Variants in RAB3IP observed in about 807,000 individuals in gnomAD.
The protein encoded by RAB3IP is rab-3A-interacting protein.
RAB3IP carries 36 observed loss-of-function variants against 59.1 expected under a neutral mutation model. The observed-to-expected ratio is 0.61, with a 90% confidence interval of 0.47 to 0.80. The LOEUF is 0.80. Among genes scored for constraint, RAB3IP ranks in the 30% least tolerant of loss-of-function variants. The pLI is 0.00. For missense variants in RAB3IP, 511 were observed against 536.0 expected (o/e 0.95, Z 0.46); for synonymous variants, 207 against 191.2 (o/e 1.08, Z -0.68).
chr12:69,745,207 T>A (rs528028263), intron 1 of RAB3IP, among the ~76,000 whole-genome samples: 1 of 152,338 alleles, frequency 6.6e-6, no homozygotes, highest in Admixed American at 6.5e-5. Flanking sequence ...TGTAGGTATT[T>A]CAGTATTTCC....
rs750211581 is a variant in RAB3IP at position 69,755,485 on chromosome 12, A to G, written c.77A>G (p.Tyr26Cys). 6.2e-6 allele frequency: 10 copies of G among 1,613,964 alleles called. No individual in the cohort carries two copies. Among genetic ancestry groups the G allele is most frequent in the Non-Finnish European group, 8.5e-6 (10 of 1,180,026 alleles). ...SPTSPDLLGV[Y>C]ESGTQEQTTS... is the part of the protein sequence containing the mutation. ...ACTTCTCCGGACCTTCTTGGTGTGTATGAATCAGGAACTCAAGAGCAGACT... is the reference window on the plus strand; with the variant it reads ...ACTTCTCCGGACCTTCTTGGTGTGTGTGAATCAGGAACTCAAGAGCAGACT... The change falls in exon 2 of 11, where the codon TAT (tyrosine) becomes TGT (cysteine). Residue 26 changes from tyrosine (Y) to cysteine (C), a missense_variant. Coordinates refer to ENST00000247833, the MANE Select transcript of RAB3IP (RefSeq NM_022456.5).
chr12:69,741,126 C>G (rs935783601), intron 1 of RAB3IP, among the ~76,000 whole-genome samples: 9 of 152,196 alleles, frequency 5.9e-5, no homozygotes, highest in Non-Finnish European at 1.5e-5. Flanking sequence ...ATAACATACT[C>G]CATTAGAGAT....
intron 3 of RAB3IP, among the ~76,000 whole-genome samples, chr12:69,762,976 T>A (rs1480591970): frequency 6.6e-6 from 1 of 152,118 alleles, no homozygotes; most frequent in Admixed American, 6.5e-5. Flanking sequence ...ACTATAAATT[T>A]TATTTTGCTT....
intron 3 of RAB3IP, among the ~76,000 whole-genome samples, chr12:69,779,950 T>A (rs1271325029): frequency 6.6e-6 from 1 of 152,216 alleles, no homozygotes; most frequent in African/African-American, 2.4e-5. Flanking sequence ...TTTATTCAAG[T>A]CTTTGCAGTG....
At position 69,805,292 on chromosome 12, in the gene RAB3IP, CTGTT is replaced by C. The variant is rs1247217105; in HGVS notation, c.1130+3575_1130+3578del. 3.2e-3 allele frequency among the ~76,000 whole-genome samples: 491 copies of C among 152,102 alleles called. 5 individuals carry two copies. Among genetic ancestry groups the C allele is most frequent in the African/African-American group, 0.011 (438 of 41,494 alleles). ...GGGAGTTCACTCATGATTTGGCTCTCTGTTTGTCTGTTATTGGTGTATAAGAATG... is the reference window on the plus strand; with the variant it reads ...GGGAGTTCACTCATGATTTGGCTCTCTGTCTGTTATTGGTGTATAAGAATG... On this transcript the variant is annotated intron_variant, in intron 8 of 10. Coordinates refer to ENST00000247833, the MANE Select transcript of RAB3IP (RefSeq NM_022456.5).
intron 3 of RAB3IP, among the ~76,000 whole-genome samples, chr12:69,765,154 T>G (rs1268680654): frequency 6.6e-6 from 1 of 152,344 alleles, no homozygotes; most frequent in East Asian, 1.9e-4. Flanking sequence ...TGGATTCCTC[T>G]GGCTAACACT....
At chr12:69,780,612 C>A (rs533551003) in intron 3 of RAB3IP, among the ~76,000 whole-genome samples, 47 of 152,334 alleles carry the variant, frequency 3.1e-4, no homozygotes, top group African/African-American at 8.9e-4. Context: ...ACAGACAAAT[C>A]ATTCCTGGGT....
chr12:69,786,307 G>T (rs571985298), intron 4 of RAB3IP, among the ~76,000 whole-genome samples: 1 of 152,298 alleles, frequency 6.6e-6, no homozygotes, highest in South Asian at 2.1e-4. Context: ...CTTTAGACAT[G>T]TAGGGCTTTC....
chr12:69,809,734 A>T (rs11177873), intron 8 of RAB3IP, among the ~76,000 whole-genome samples: 1 of 152,060 alleles, frequency 6.6e-6, no homozygotes, highest in African/African-American at 2.4e-5. Flanking sequence ...TTCTCATGCC[A>T]TGGTTTTCAG....
intron 1 of RAB3IP, among the ~76,000 whole-genome samples, chr12:69,751,531 C>T (rs1869291771): frequency 6.6e-6 from 1 of 152,000 alleles, no homozygotes; most frequent in Admixed American, 6.6e-5. Context: ...ATTTAGGCCT[C>T]TAGGATTTAA....
intron 8 of RAB3IP, 26 bp downstream of exon 8, chr12:69,801,747 GA>G (rs773139981): frequency 7.3e-7 from 1 of 1,369,654 alleles, no homozygotes; most frequent in South Asian, 1.2e-5. Context: ...CATGAACTGT[GA>G]AAGTGACTGA....
At chr12:69,803,668 C>A (rs970678884) in intron 8 of RAB3IP, among the ~76,000 whole-genome samples, 1 of 151,962 alleles carries the variant, frequency 6.6e-6, no homozygotes, top group African/African-American at 2.4e-5. Flanking sequence ...CCACAACAGT[C>A]CCCGGTGTGT....
At chr12:69,801,553 C>T (rs1003402740) in intron 7 of RAB3IP, 56 bp from the exon 8 acceptor site, 28 of 1,085,330 alleles carry the variant, frequency 2.6e-5, no homozygotes, top group Middle Eastern at 2.1e-4. Flanking sequence ...CTGTAGAATA[C>T]AATTTTGATA....
chr12:69,739,944 G>A, intron 1 of RAB3IP: 1 of 1,477,908 alleles, frequency 6.8e-7, no homozygotes, highest in Non-Finnish European at 9.4e-7. Context: ...TCATGGAAAT[G>A]TTGCCTGTTC....
chr12:69,807,383 C>T (rs372004122), intron 8 of RAB3IP, among the ~76,000 whole-genome samples: 33 of 144,750 alleles, frequency 2.3e-4, no homozygotes, highest in East Asian at 6.7e-4. Flanking sequence ...ACCTCCCTGA[C>T]GGGGCGGCCG....
At chr12:69,758,462 G>A (rs1396260717) in intron 3 of RAB3IP, among the ~76,000 whole-genome samples, 1 of 151,774 alleles carries the variant, frequency 6.6e-6, no homozygotes. Flanking sequence ...TTTTATCTTT[G>A]TTGCTTTAGC....
At chr12:69,758,016 T>G (rs887897851) in intron 3 of RAB3IP, among the ~76,000 whole-genome samples, 1 of 152,212 alleles carries the variant, frequency 6.6e-6, no homozygotes, top group African/African-American at 2.4e-5. Context: ...TGTGGTGACT[T>G]TTATGAAGAG....
chr12:69,810,716 A>G (rs935878162), intron 8 of RAB3IP, among the ~76,000 whole-genome samples: 5 of 152,118 alleles, frequency 3.3e-5, no homozygotes, highest in Admixed American at 2.0e-4. Context: ...AGGAGAAAGG[A>G]GTTAGAGATA....
In RAB3IP at chr12:69,817,500, AAATTC is replaced by A. The variant is rs1300123831; in HGVS notation, c.*2055_*2059del. The A allele has an allele frequency of 6.6e-6, 1 of 152,016 alleles. No homozygotes were observed. The highest frequency in any genetic ancestry group is 1.5e-5 in the Non-Finnish European group (1 of 67,994). 9.4% of individuals were successfully genotyped at this position (152,016 alleles called of 1,614,324 possible). ...AAGAATATAAGTTATGGTATATTAT[AAATTC>A]TTAATTTAGAAATCGTGCATCAGTA... is the stretch of plus-strand genomic sequence containing the variant. On this transcript the variant is annotated 3_prime_UTR_variant, in exon 11 of 11. Coordinates refer to ENST00000247833, the MANE Select transcript of RAB3IP (RefSeq NM_022456.5).
Sources: gnomAD v4.1 joint callset for allele counts (sites outside exome capture counted in the v4.1 genomes callset) on GRCh38, gnomAD v4.1.1 for gene constraint, MANE v1.5 for transcripts, NCBI Gene and HGNC (gene_info 2026-07-23, HGNC 2026-07-21) for gene names.